Variants in GRIK2 observed in about 807,000 individuals in gnomAD.
GRIK2 encodes the protein glutamate receptor ionotropic, kainate 2.
GRIK2 carries 32 observed loss-of-function variants against 100.3 expected under a neutral mutation model. The observed-to-expected ratio is 0.32, with a 90% CI of 0.24 to 0.43. GRIK2 has a LOEUF of 0.43. Ranked by LOEUF, GRIK2 falls within the 20% of genes least tolerant of loss-of-function variation. The probability of loss-of-function intolerance (pLI) is 1.00; values close to 1 mark genes in which losing one functional copy is unlikely to be tolerated. For missense variants in GRIK2, 843 were observed against 1,114.9 expected (o/e 0.76, Z 3.47); for synonymous variants, 417 against 389.4 (o/e 1.07, Z -0.83).
At chr6:101,875,300 C>T (rs545646510) in intron 11 of GRIK2, among the ~76,000 whole-genome samples, 3 of 151,824 alleles carry the variant, frequency 2.0e-5, no homozygotes, top group Non-Finnish European at 4.4e-5. Context: ...AGGACAAAAC[C>T]TCAATAAGAG....
intron 7 of GRIK2, among the ~76,000 whole-genome samples, chr6:101,761,785 C>CTCCG (rs1554259736): frequency 2.1e-5 from 3 of 143,998 alleles, no homozygotes; most frequent in African/African-American, 7.8e-5. Flanking sequence ...CCCTCCCTCC[C>CTCCG]TCCCTCCCTT....
chr6:101,694,429 C>T (rs559830393), intron 7 of GRIK2, among the ~76,000 whole-genome samples: 18 of 151,694 alleles, frequency 1.2e-4, no homozygotes, highest in East Asian at 3.9e-4. Context: ...TGTTTTTTCA[C>T]GCTAATTAAT....
chr6:102,000,002 A>T (rs1794850962), intron 14 of GRIK2, among the ~76,000 whole-genome samples: 1 of 152,018 alleles, frequency 6.6e-6, no homozygotes, highest in Admixed American at 6.6e-5. Context: ...TATTCCTGAG[A>T]TAAACTCAAA....
At chr6:101,869,535 A>G (rs1785258188) in intron 11 of GRIK2, among the ~76,000 whole-genome samples, 2 of 151,870 alleles carry the variant, frequency 1.3e-5, no homozygotes, top group Non-Finnish European at 2.9e-5. Context: ...TACGTATTTT[A>G]TTATGATAGT....
At position 101,743,384 on chromosome 6, in the gene GRIK2, G is replaced by T. The variant is rs536453624; in HGVS notation, c.952-56264G>T. 3.3e-5 allele frequency among the ~76,000 whole-genome samples: 5 copies of T among 152,316 alleles called. No individual in the cohort carries two copies. In the South Asian group the frequency reaches 1.0e-3, roughly 32 times the overall value. ...AAGCAAGCCAGATGGGTTAAGTTTG[G>T]TGGGCCTAATCAGGTCAGCCCTTGT... On this transcript the variant is annotated intron_variant, in intron 7 of 16. Transcript: ENST00000369134.
At chr6:102,062,881 TATGA>T (rs1421142784) in intron 16 of GRIK2, among the ~76,000 whole-genome samples, 1 of 150,646 alleles carries the variant, frequency 6.6e-6, no homozygotes, top group Non-Finnish European at 1.5e-5. Context: ...TCTTATATCC[TATGA>T]ATATTTTTTC....
chr6:101,565,870 T>A (rs1196692479), intron 2 of GRIK2, among the ~76,000 whole-genome samples: 1 of 147,638 alleles, frequency 6.8e-6, no homozygotes, highest in Non-Finnish European at 1.5e-5. Context: ...GTGTATTATA[T>A]GTTACCAATA....
intron 7 of GRIK2, among the ~76,000 whole-genome samples, chr6:101,788,305 C>A (rs1779576134): frequency 6.6e-6 from 1 of 151,872 alleles, no homozygotes; most frequent in Non-Finnish European, 1.5e-5. Context: ...GTGTGCTGCA[C>A]CCATTAACTC....
At position 101,925,619 on chromosome 6, in the gene GRIK2, A is replaced by G. The variant is rs73761483; in HGVS notation, c.1867+900A>G. Among the ~76,000 whole-genome samples the G allele has an allele frequency of 7.9e-3, 1,207 of 152,128 alleles. 17 individuals are homozygous for G. The highest frequency in any genetic ancestry group is 0.028 in the African/African-American group (1,172 of 41,552). On this transcript the variant is annotated intron_variant, in intron 13 of 16. Coordinates refer to ENST00000369134, the MANE Select transcript of GRIK2 (RefSeq NM_021956.5). Reference sequence around the variant, plus strand: ...TAAAATTAGTAAATAAAGCAAAAAAATCCCAAATTTGAAAAACTGACAGTA... The same window carrying G: ...TAAAATTAGTAAATAAAGCAAAAAAGTCCCAAATTTGAAAAACTGACAGTA...
At chr6:102,029,700 G>T (rs1244003993) in intron 14 of GRIK2, among the ~76,000 whole-genome samples, 1 of 151,134 alleles carries the variant, frequency 6.6e-6, no homozygotes, top group Admixed American at 6.6e-5. Context: ...CAAGCCAATG[G>T]CAGTGTTCTA....
chr6:101,498,330 G>A (rs11156120), intron 2 of GRIK2, among the ~76,000 whole-genome samples: 36,430 of 151,620 alleles, frequency 0.24, 5,373 homozygotes, highest in East Asian at 0.48. Flanking sequence ...ATAAACATAC[G>A]TGTGCATGTG....
At chr6:101,568,854 A>G (rs908772432) in intron 2 of GRIK2, among the ~76,000 whole-genome samples, 4 of 152,120 alleles carry the variant, frequency 2.6e-5, no homozygotes, top group Admixed American at 2.0e-4. Flanking sequence ...GAAAGTCTAC[A>G]GAAAATAGTG....
At chr6:101,533,490 TTTTC>T (rs1775541734) in intron 2 of GRIK2, among the ~76,000 whole-genome samples, 2 of 151,962 alleles carry the variant, frequency 1.3e-5, no homozygotes, top group Non-Finnish European at 2.9e-5. Context: ...GAAAGATTTT[TTTTC>T]ACACTTTGTT....
intron 2 of GRIK2, among the ~76,000 whole-genome samples, chr6:101,574,403 C>G (rs612133): frequency 0.018 from 2,590 of 147,946 alleles, 81 homozygotes; most frequent in African/African-American, 0.061. Flanking sequence ...ACTTTAGCAG[C>G]TTATTTATAC....
chr6:101,965,793 G>C (rs748362526), intron 14 of GRIK2, among the ~76,000 whole-genome samples: 1 of 151,976 alleles, frequency 6.6e-6, no homozygotes, highest in Non-Finnish European at 1.5e-5. Context: ...ATAGGAGGTA[G>C]GAGGAAGGAA....
At chr6:101,632,152 C>G (rs1395077587) in intron 4 of GRIK2, among the ~76,000 whole-genome samples, 1 of 152,092 alleles carries the variant, frequency 6.6e-6, no homozygotes, top group Non-Finnish European at 1.5e-5. Flanking sequence ...GCTTGGGTGT[C>G]ACAAAGAAAG....
intron 11 of GRIK2, among the ~76,000 whole-genome samples, chr6:101,870,424 G>T (rs1436897814): frequency 2.6e-5 from 4 of 151,720 alleles, no homozygotes; most frequent in Non-Finnish European, 5.9e-5. Context: ...GCCACAAATG[G>T]ATTTTCCCAA....
chr6:101,944,336 A>G (rs1791141639), intron 14 of GRIK2, among the ~76,000 whole-genome samples: 1 of 152,176 alleles, frequency 6.6e-6, no homozygotes, highest in Non-Finnish European at 1.5e-5. Context: ...TGACACTGAA[A>G]TTATTTGTGT....
chr6:102,011,556 C>CT lies in GRIK2; in HGVS notation c.2086-23775dup, dbSNP rs372670502. Among the ~76,000 whole-genome samples the CT allele has an allele frequency of 5.6e-3, 440 of 78,980 alleles. 2 individuals are homozygous for CT. The highest frequency in any genetic ancestry group is 0.021 in the African/African-American group (394 of 19,194). The allele number at this position is 78,980 out of a possible 152,430, so 51.8% of individuals were successfully genotyped here. On this transcript the variant is annotated intron_variant, in intron 14 of 16. Transcript: ENST00000369134. ...ACGAAGTCCAGCCTATGAGTTATTT[C>CT]TTTTTTTTTTCTTTCTTTTCCTTTT...
Sources: gnomAD v4.1 joint callset for allele counts (sites outside exome capture counted in the v4.1 genomes callset) on GRCh38, gnomAD v4.1.1 for gene constraint, MANE v1.5 for transcripts, NCBI Gene and HGNC (gene_info 2026-07-23, HGNC 2026-07-21) for gene names.